CD46: variants seen among roughly 807,000 people sequenced by gnomAD.
CD46 encodes the protein CD46 molecule.
In CD46, 30 loss-of-function variants were observed where a neutral mutation model predicts 53.3. The observed-to-expected ratio is 0.56, with a 90% CI of 0.42 to 0.76. The LOEUF is 0.76. Ranked by LOEUF, CD46 falls within the 30% of genes least tolerant of loss-of-function variation. The probability of loss-of-function intolerance (pLI) is 0.00; values close to 1 mark genes in which losing one functional copy is unlikely to be tolerated. For synonymous variants in CD46, 142 were observed against 152.0 expected, an observed-to-expected ratio of 0.93 and a Z score of 0.48; for missense variants, 409 against 463.0, an observed-to-expected ratio of 0.88 and a Z score of 1.07.
At chr1:207,778,007 T>C (rs1000655803) in intron 8 of CD46, among the ~76,000 whole-genome samples, 1 of 152,230 alleles carries the variant, frequency 6.6e-6, no homozygotes, top group African/African-American at 2.4e-5. Flanking sequence ...GGTATCTCAC[T>C]GCCGTTTTGA....
chr1:207,771,648 T>C (rs1474580495), intron 8 of CD46, among the ~76,000 whole-genome samples: 1 of 152,250 alleles, frequency 6.6e-6, no homozygotes, highest in East Asian at 1.9e-4. Context: ...GTTTATTAAA[T>C]AGGGAATCCC....
chr1:207,790,575 C>T (rs539926525), intron 12 of CD46, among the ~76,000 whole-genome samples: 2 of 152,194 alleles, frequency 1.3e-5, no homozygotes, highest in Non-Finnish European at 1.5e-5. Flanking sequence ...AGTTATGTTC[C>T]CCTAGTCCTT....
At chr1:207,793,073 C>T (rs1387553576) in intron 12 of CD46, among the ~76,000 whole-genome samples, 1 of 152,158 alleles carries the variant, frequency 6.6e-6, no homozygotes, top group Non-Finnish European at 1.5e-5. Context: ...TTAGGAGACT[C>T]TTAGTGGAAT....
In CD46 at chr1:207,752,284, G is replaced by A. The variant is rs765047596; in HGVS notation, c.72G>A (p.Met24Ile). The change falls in exon 1 of 13, where the codon ATG (methionine) becomes ATA (isoleucine). Residue 24 changes from methionine to isoleucine, a missense_variant. Transcript: ENST00000367042. The surrounding 1 kb of genome is among the most constrained non-coding windows in gnomAD (Gnocchi z 4.1). ...TTCCTGGGTTGCTTCTGGCGGCCAT[G>A]GTGTTGCTGCTGTACTCCTTCTCCG... ...WRFPGLLLAA[M>I]VLLLYSFSDA... The A allele has an allele frequency of 3.1e-6, 5 of 1,614,042 alleles. No homozygotes were observed. The highest frequency in any genetic ancestry group is 4.2e-6 in the Non-Finnish European group (5 of 1,180,016).
intron 8 of CD46, among the ~76,000 whole-genome samples, chr1:207,773,902 C>A (rs1267755002): frequency 6.6e-6 from 1 of 152,148 alleles, no homozygotes; most frequent in Non-Finnish European, 1.5e-5. Flanking sequence ...AGTAGGTCTG[C>A]TTGGTCCAGA....
intron 11 of CD46, 74 bp downstream of exon 11, chr1:207,785,756 G>T: frequency 2.1e-6 from 2 of 953,792 alleles, no homozygotes. Context: ...GCTTCAGTTT[G>T]TAATCTGTAT....
intron 12 of CD46, 97 bp from the exon 13 acceptor site, chr1:207,793,422 T>A (rs1006314305): frequency 4.3e-6 from 4 of 919,596 alleles, no homozygotes; most frequent in Non-Finnish European, 7.0e-6. Context: ...ATTACTATAT[T>A]TTTTTAATTG....
intron 11 of CD46, among the ~76,000 whole-genome samples, chr1:207,789,871 A>G (rs964052676): frequency 4.8e-4 from 26 of 53,952 alleles, no homozygotes; most frequent in Admixed American, 1.8e-3. Flanking sequence ...CTGTGTCTTG[A>G]AAAAAAAAAA....
intron 10 of CD46, 104 bp downstream of exon 10, chr1:207,785,210 T>C: frequency 1.1e-6 from 1 of 927,242 alleles, no homozygotes. Flanking sequence ...AGCTTGTAAA[T>C]TGGTTAAACC....
intron 1 of CD46, among the ~76,000 whole-genome samples, chr1:207,756,356 G>A (rs149338052): frequency 1.8e-4 from 28 of 152,296 alleles, no homozygotes; most frequent in African/African-American, 5.1e-4. Flanking sequence ...AGACTTTCAC[G>A]TTATTACCTG....
In CD46 at chr1:207,795,317, AAT is replaced by A. The variant is rs1002617415; in HGVS notation, c.*1846_*1847del. The A allele has an allele frequency of 4.1e-4, 62 of 152,268 alleles. No homozygotes were observed. Among genetic ancestry groups the A allele is most frequent in the African/African-American group, 1.5e-3 (62 of 41,550 alleles). 9.4% of individuals were successfully genotyped at this position (152,268 alleles called of 1,614,324 possible). On this transcript the variant is annotated 3_prime_UTR_variant, in exon 13 of 13. Transcript: ENST00000367042. ...TGTATTTTGTCAAATTTGTTACTTA[AAT>A]ATATAGAGACCAGTTTTCTCTGGAA...
At chr1:207,782,350 T>A (rs994538940) in intron 8 of CD46, among the ~76,000 whole-genome samples, 1 of 152,188 alleles carries the variant, frequency 6.6e-6, no homozygotes, top group African/African-American at 2.4e-5. Context: ...TAGGGTTTTC[T>A]AAATAAAAGA....
chr1:207,761,124 T>C, intron 4 of CD46, 125 bp from the exon 5 acceptor site: 1 of 632,348 alleles, frequency 1.6e-6, no homozygotes, highest in Non-Finnish European at 2.8e-6. Context: ...TTCTTTTAAA[T>C]CCATATTGAA....
At chr1:207,773,272 AT>A (rs1177241863) in intron 8 of CD46, among the ~76,000 whole-genome samples, 1 of 152,010 alleles carries the variant, frequency 6.6e-6, no homozygotes, top group African/African-American at 2.4e-5. Context: ...TATTGCGTCT[AT>A]TTGATTATTC....
chr1:207,755,485 G>GTAGT (rs1365335269), intron 1 of CD46, among the ~76,000 whole-genome samples: 1 of 152,212 alleles, frequency 6.6e-6, no homozygotes, highest in Non-Finnish European at 1.5e-5. Context: ...CCTCTCAAAG[G>GTAGT]TAGTTGCCAA....
intron 11 of CD46, among the ~76,000 whole-genome samples, chr1:207,788,375 A>G (rs1659472172): frequency 6.6e-6 from 1 of 151,174 alleles, no homozygotes; most frequent in Admixed American, 6.6e-5. Context: ...AAAAAAAAAA[A>G]AAAATAGTGG....
At chr1:207,782,145 T>G (rs1658804411) in intron 8 of CD46, among the ~76,000 whole-genome samples, 1 of 152,188 alleles carries the variant, frequency 6.6e-6, no homozygotes, top group South Asian at 2.1e-4. Context: ...CCTCCTTAGT[T>G]TATTCCTAAG....
At chr1:207,762,996 A>G (rs1656409181) in intron 5 of CD46, 1 of 152,516 alleles carries the variant, frequency 6.6e-6, no homozygotes, top group Non-Finnish European at 1.5e-5. Flanking sequence ...GCCCTGGGGA[A>G]AATAGAGGAG....
Position 207,752,138 on chromosome 1 carries a change from G to A in CD46, c.-75G>A. Reference sequence around the variant, plus strand: ...TTGCGTCCCATATCTGGACCCAGAAGGGACTTCCCTGCTCGGCTGGCTCTC... The same window carrying A: ...TTGCGTCCCATATCTGGACCCAGAAAGGACTTCCCTGCTCGGCTGGCTCTC... On this transcript the variant is annotated 5_prime_UTR_variant, in exon 1 of 13. Coordinates refer to ENST00000367042, the MANE Select transcript of CD46 (RefSeq NM_172351.3). This position sits in a 1 kb window ranked among gnomAD's most constrained non-coding sequence, Gnocchi z 4.1. 1 of 1,347,808 alleles carries A rather than the reference G, an allele frequency of 7.4e-7. No individual in the cohort carries two copies. The highest frequency in any genetic ancestry group is 1.1e-6 in the Non-Finnish European group (1 of 945,132). The allele number at this position is 1,347,808 out of a possible 1,614,324, so 83.5% of individuals were successfully genotyped here.
Sources: gnomAD v4.1 joint callset for allele counts (sites outside exome capture counted in the v4.1 genomes callset) on GRCh38, gnomAD v4.1.1 for gene constraint, Gnocchi (gnomAD v3.1) non-coding constraint, MANE v1.5 for transcripts, NCBI Gene and HGNC (gene_info 2026-07-23, HGNC 2026-07-21) for gene names.